The following ADARB1 variants were observed in gnomAD, a reference collection of about 807,000 sequenced individuals.
The protein encoded by ADARB1 is adenosine deaminase RNA specific B1, also known as double-stranded RNA-specific editase 1.
In ADARB1, 10 loss-of-function variants were observed where a neutral mutation model predicts 52.4. The ratio of observed to expected loss-of-function variants is 0.19; its 90% CI spans 0.12 to 0.32. The LOEUF is 0.32. ADARB1 is among the 10% of genes least tolerant of loss of function. ADARB1 has a pLI of 1.00. For missense variants in ADARB1, 643 were observed against 922.3 expected (o/e 0.70, Z 3.92); for synonymous variants, 349 against 371.1 (o/e 0.94, Z 0.68).
At chr21:45,112,491 C>G (rs572723090) in intron 1 of ADARB1, among the ~76,000 whole-genome samples, 1 of 150,840 alleles carries the variant, frequency 6.6e-6, no homozygotes, top group Non-Finnish European at 1.5e-5. Flanking sequence ...GGCTTGGGGT[C>G]GGGGGTGAGC....
chr21:45,223,395 A>G lies in ADARB1; in HGVS notation c.*1198A>G, dbSNP rs557577538. 5.5e-3 allele frequency: 5,404 copies of G among 985,740 alleles called. 21 individuals carry two copies. Among genetic ancestry groups the G allele is most frequent in the Middle Eastern group, 0.015 (28 of 1,916 alleles). 61.1% of individuals were successfully genotyped at this position (985,740 alleles called of 1,614,324 possible). The stretch of plus-strand genomic sequence containing the variant: ...AGCGTGCACGGGACGGCCCCACGAC[A>G]GAGGGAGTCAGCCCGGGAGGTCAGG... On this transcript the variant is annotated 3_prime_UTR_variant, in exon 11 of 11. Transcript: ENST00000348831.
At position 45,142,090 on chromosome 21, in the gene ADARB1, T is replaced by G. The variant is rs915699657; in HGVS notation, c.-48+13517T>G. Among the ~76,000 whole-genome samples the G allele has an allele frequency of 1.3e-5, 2 of 152,232 alleles. No individual in the cohort carries two copies. Among genetic ancestry groups the G allele is most frequent in the Non-Finnish European group, 2.9e-5 (2 of 68,028 alleles). ...CACCCCCGGGCCACCTTGGCCACTC[T>G]GGGTCACCTTGTCTACCCCTGGGTT... On this transcript the variant is annotated intron_variant, in intron 2 of 10. Coordinates refer to ENST00000348831, the MANE Select transcript of ADARB1 (RefSeq NM_001112.4). This position sits in a 1 kb window ranked among gnomAD's most constrained non-coding sequence, Gnocchi z 4.0.
intron 1 of ADARB1, among the ~76,000 whole-genome samples, chr21:45,093,401 G>A (rs1268918201): frequency 6.6e-6 from 1 of 152,218 alleles, no homozygotes; most frequent in Non-Finnish European, 1.5e-5. Context: ...CCATTGGCAG[G>A]TTTCCACAGG....
At chr21:45,210,049 C>A (rs755077119) in intron 9 of ADARB1, among the ~76,000 whole-genome samples, 6 of 152,228 alleles carry the variant, frequency 3.9e-5, no homozygotes, top group Non-Finnish European at 7.3e-5. Context: ...TGGCCCACTT[C>A]CCTGCACCAC....
chr21:45,189,292 A>T (rs1033743046), intron 8 of ADARB1, among the ~76,000 whole-genome samples: 9 of 152,152 alleles, frequency 5.9e-5, no homozygotes, highest in African/African-American at 1.9e-4. Context: ...TTGCAATTAC[A>T]TAAGACATCT....
intron 7 of ADARB1, among the ~76,000 whole-genome samples, 175 bp from the exon 8 acceptor site, chr21:45,184,748 G>A (rs1358646507): frequency 1.3e-5 from 2 of 152,156 alleles, no homozygotes; most frequent in South Asian, 2.1e-4. Flanking sequence ...ACCATACCCA[G>A]CCTCTCAGCT....
intron 2 of ADARB1, among the ~76,000 whole-genome samples, chr21:45,136,541 T>G (rs960723865): frequency 6.6e-6 from 1 of 152,190 alleles, no homozygotes; most frequent in East Asian, 1.9e-4. Context: ...AGAGAATCAT[T>G]CCTTTAACAA....
At chr21:45,092,745 A>G (rs945335352) in intron 1 of ADARB1, among the ~76,000 whole-genome samples, 1 of 152,242 alleles carries the variant, frequency 6.6e-6, no homozygotes, top group Non-Finnish European at 1.5e-5. Context: ...ATTCCAAAAC[A>G]GAGCAGACAA....
At chr21:45,198,072 T>G (rs1055171517) in intron 8 of ADARB1, among the ~76,000 whole-genome samples, 2 of 152,236 alleles carry the variant, frequency 1.3e-5, no homozygotes, top group African/African-American at 2.4e-5. Context: ...GAGAAAATGC[T>G]TATATAAGTA....
intron 1 of ADARB1, among the ~76,000 whole-genome samples, chr21:45,086,424 C>G (rs971009152): frequency 6.6e-6 from 1 of 152,156 alleles, no homozygotes; most frequent in East Asian, 1.9e-4. Flanking sequence ...GTGCAGACAT[C>G]ACCACTGTCT....
chr21:45,182,668 C>T lies in ADARB1; in HGVS notation c.1162C>T (p.Leu388Phe). The change falls in exon 6 of 11, where the codon CTT (leucine) becomes TTT (phenylalanine). Residue 388 changes from leucine to phenylalanine, a missense_variant. Leu to Phe is a conservative substitution (Grantham distance 22). This residue lies in a region of ADARB1 where 263 missense variants were observed against 475.8 expected (regional missense o/e 0.55). Transcript: ENST00000348831. The part of the protein sequence containing the change: ...INGEYMSDRG[L>F]ALNDCHAEII... Reference sequence around the variant, plus strand: ...TGGTGAATACATGAGTGATCGTGGCCTTGCATTAAATGACTGCCATGCAGA... The same window carrying T: ...TGGTGAATACATGAGTGATCGTGGCTTTGCATTAAATGACTGCCATGCAGA... The T allele has an allele frequency of 6.2e-7, 1 of 1,612,264 alleles. No homozygotes were observed. Among genetic ancestry groups the T allele is most frequent in the Non-Finnish European group, 8.5e-7 (1 of 1,179,442 alleles).
rs2145829095 is a variant in ADARB1, at chr21:45,128,244, C to A, written c.-219-158C>A. 6.6e-6 allele frequency among the ~76,000 whole-genome samples: 1 copy of A among 152,358 alleles called. No homozygotes were observed. The highest frequency in any genetic ancestry group is 2.4e-5 in the African/African-American group (1 of 41,572). ...TGATGGATTGCGCATATCCCCTTTA[C>A]AGATTCGGAAGAGTACATTTAAAAT... is the stretch of plus-strand genomic sequence containing the variant. On this transcript the variant is annotated intron_variant, in intron 1 of 10. Coordinates refer to ENST00000348831, the MANE Select transcript of ADARB1 (RefSeq NM_001112.4). This position sits in a 1 kb window ranked among gnomAD's most constrained non-coding sequence, Gnocchi z 4.6.
chr21:45,155,558 C>T (rs1264533625), intron 2 of ADARB1, among the ~76,000 whole-genome samples: 1 of 151,986 alleles, frequency 6.6e-6, no homozygotes, highest in Non-Finnish European at 1.5e-5. Context: ...CATCTGTTCA[C>T]TCATTTACCC....
At position 45,171,691 on chromosome 21, in the gene ADARB1, T is replaced by G; in HGVS notation, c.28+7T>G. On this transcript the variant is annotated splice_region_variant and intron_variant, in intron 3 of 10. Transcript: ENST00000348831. ...GAAGATGAAGAAAACATGAGTAAGA[T>G]CTAGGCCTATCACGTAGTATCAGAT... 1 of 1,607,296 alleles carries G rather than the reference T, an allele frequency of 6.2e-7. No homozygotes were observed. The highest frequency in any genetic ancestry group is 1.7e-5 in the Admixed American group (1 of 58,370).
At chr21:45,138,575 A>C (rs2089520708) in intron 2 of ADARB1, among the ~76,000 whole-genome samples, 2 of 152,216 alleles carry the variant, frequency 1.3e-5, no homozygotes, top group Admixed American at 1.3e-4. Context: ...AGCCCTCAGC[A>C]TATTTTCACC....
intron 1 of ADARB1, among the ~76,000 whole-genome samples, chr21:45,122,974 T>C (rs1362308684): frequency 6.6e-6 from 1 of 152,220 alleles, no homozygotes; most frequent in East Asian, 1.9e-4. Context: ...GGTTAGTTGT[T>C]TCATATGGTT....
rs201273628 is a variant in ADARB1, at chr21:45,176,532, G to C, written c.831G>C (p.Ser277=). 1.2e-6 allele frequency: 2 copies of C among 1,614,052 alleles called. No individual in the cohort carries two copies. Among genetic ancestry groups the C allele is most frequent in the African/African-American group, 2.7e-5 (2 of 74,912 alleles). The change falls in exon 4 of 11, where the codon TCG becomes TCC. Residue 277 remains serine, a synonymous_variant. Coordinates refer to ENST00000348831, the MANE Select transcript of ADARB1 (RefSeq NM_001112.4). The surrounding 1 kb of genome is among the most constrained non-coding windows in gnomAD (Gnocchi z 5.8). Reference sequence around the variant, plus strand: ...TGGATGGTCAGTTCTTTGAAGGCTCGGGGAGAAACAAGAAGCTTGCCAAGG... The same window carrying C: ...TGGATGGTCAGTTCTTTGAAGGCTCCGGGAGAAACAAGAAGCTTGCCAAGG... ...VVVDGQFFEG[S]GRNKKLAKAR...
intron 7 of ADARB1, 85 bp from the exon 8 acceptor site, chr21:45,184,838 T>G (rs1171894491): frequency 7.2e-7 from 1 of 1,383,652 alleles, no homozygotes; most frequent in African/African-American, 1.5e-5. Flanking sequence ...TATTTTAAAT[T>G]TATAAGCTAT....
chr21:45,199,689 A>G (rs2092507438), intron 8 of ADARB1, among the ~76,000 whole-genome samples: 1 of 152,250 alleles, frequency 6.6e-6, no homozygotes, highest in Admixed American at 6.5e-5. Context: ...AATAAATTTG[A>G]CTAAATTAAA....
Sources: gnomAD v4.1 joint callset for allele counts (sites outside exome capture counted in the v4.1 genomes callset) on GRCh38, gnomAD v4.1.1 for gene constraint, gnomAD v4.1.1 regional missense constraint, Gnocchi (gnomAD v3.1) non-coding constraint, MANE v1.5 for transcripts, NCBI Gene and HGNC (gene_info 2026-07-23, HGNC 2026-07-21) for gene names.